The following CACNB2 variants were observed in gnomAD, a reference collection of about 807,000 sequenced individuals.
The protein encoded by CACNB2 is voltage-dependent L-type calcium channel subunit beta-2.
Under a neutral mutation model 73.3 loss-of-function variants are expected in CACNB2, and 42 were observed. The observed-to-expected ratio is 0.57, with a 90% CI of 0.45 to 0.74. The LOEUF is 0.74. CACNB2 is among the 30% of genes least tolerant of loss of function. CACNB2 has a pLI of 0.00. For synonymous variants in CACNB2, 348 were observed against 310.3 expected (o/e 1.12, Z -1.28); for missense variants, 940 against 853.0 (o/e 1.10, Z -1.27).
chr10:18,520,378 G>C (rs1011974874), intron 9 of CACNB2, among the ~76,000 whole-genome samples: 3 of 152,058 alleles, frequency 2.0e-5, no homozygotes, highest in Admixed American at 6.5e-5. Flanking sequence ...AATATATTCA[G>C]AATCGAAGCC....
chr10:18,233,095 A>C (rs1274869672), intron 2 of CACNB2, among the ~76,000 whole-genome samples: 1 of 152,178 alleles, frequency 6.6e-6, no homozygotes, highest in Non-Finnish European at 1.5e-5. Flanking sequence ...AAATAAATAA[A>C]TAGTTTAGAG....
Position 18,539,548 on chromosome 10 carries a change from A to G in CACNB2, c.1807A>G (p.Arg603Gly). ...CCACGGGAGCAGTGACCACAGACACAGGGAGTCCCGGCACCGTTCCCGGGA... is the reference window on the plus strand; with the variant it reads ...CCACGGGAGCAGTGACCACAGACACGGGGAGTCCCGGCACCGTTCCCGGGA... ...ETHGSSDHRH[R>G]ESRHRSRDVD... The change falls in exon 14 of 14, where the codon AGG becomes GGG. Residue 603 changes from arginine to glycine, a missense_variant. Transcript: ENST00000324631. 6.2e-7 allele frequency: 1 copy of G among 1,613,876 alleles called. No individual in the cohort carries two copies. The highest frequency in any genetic ancestry group is 8.5e-7 in the Non-Finnish European group (1 of 1,179,966).
intron 2 of CACNB2, among the ~76,000 whole-genome samples, chr10:18,169,191 A>G (rs2033066487): frequency 8.7e-6 from 1 of 114,338 alleles, no homozygotes; most frequent in Non-Finnish European, 1.8e-5. Flanking sequence ...TTTGGCATAT[A>G]TATTTTTAAA....
At chr10:18,472,206 C>A (rs1458066796) in intron 3 of CACNB2, among the ~76,000 whole-genome samples, 2 of 146,712 alleles carry the variant, frequency 1.4e-5, no homozygotes, top group African/African-American at 2.5e-5. Context: ...CTTTAATATC[C>A]GGCCCACTTT....
At chr10:18,182,821 CAAAAA>C (rs66540356) in intron 2 of CACNB2, among the ~76,000 whole-genome samples, 1 of 117,622 alleles carries the variant, frequency 8.5e-6, no homozygotes. Flanking sequence ...GACTCTGTCT[CAAAAA>C]AAAAAAAAAC....
intron 2 of CACNB2, among the ~76,000 whole-genome samples, chr10:18,362,577 C>G (rs2042185248): frequency 6.6e-6 from 1 of 152,088 alleles, no homozygotes; most frequent in African/African-American, 2.4e-5. Context: ...AAATGATAAC[C>G]TGCGAAGTGG....
chr10:18,368,464 G>A (rs537563913), intron 2 of CACNB2, among the ~76,000 whole-genome samples: 2 of 152,104 alleles, frequency 1.3e-5, no homozygotes, highest in Non-Finnish European at 2.9e-5. Context: ...TTTAGGCCTT[G>A]CTCTCTATTT....
Position 18,150,905 on chromosome 10 carries a change from G to A in CACNB2, c.143G>A (p.Arg48Lys), listed in dbSNP as rs191098369. The change falls in exon 2 of 14, where the codon AGG becomes AAG. Residue 48 changes from arginine (R) to lysine (K), a missense_variant. Coordinates refer to ENST00000324631, the MANE Select transcript of CACNB2 (RefSeq NM_201596.3). ...AAQSYGKGAR[R>K]KNRFKGSDGS... ...TAGTCATATGGAAAAGGAGCCAGAA[G>A]GAAAAACAGATTTAAAGGATCTGAT... 1,850 of 1,224,686 alleles carry A rather than the reference G, an allele frequency of 1.5e-3. 25 individuals are homozygous for A. The highest frequency in any genetic ancestry group is 1.9e-4 in the Non-Finnish European group (167 of 880,908). The allele number at this position is 1,224,686 out of a possible 1,614,324, so 75.9% of individuals were successfully genotyped here.
chr10:18,150,438 C>T (rs1020881043), intron 1 of CACNB2, among the ~76,000 whole-genome samples: 18 of 152,250 alleles, frequency 1.2e-4, no homozygotes, highest in African/African-American at 3.4e-4. Flanking sequence ...CCAAGGCGGG[C>T]GGATCACCTG....
intron 11 of CACNB2, among the ~76,000 whole-genome samples, chr10:18,535,789 A>ATATT (rs138556771): frequency 0.048 from 7,271 of 151,922 alleles, 268 homozygotes; most frequent in Non-Finnish European, 0.077. Context: ...ATATATATAT[A>ATATT]TATTTTAACA....
chr10:18,538,981 CT>C lies in CACNB2; in HGVS notation c.1489-237del, dbSNP rs11419902. Among the ~76,000 whole-genome samples the C allele has an allele frequency of 3.6e-3, 524 of 146,114 alleles. 2 individuals carry two copies. Among genetic ancestry groups the C allele is most frequent in the Middle Eastern group, 0.011 (3 of 284 alleles). ...TAAAAGAACATTTTCCCTGCTGCTG[CT>C]TTTTTTTTTTTAAAGGAAAAAGTTA... On this transcript the variant is annotated intron_variant, in intron 13 of 13. Coordinates refer to ENST00000324631, the MANE Select transcript of CACNB2 (RefSeq NM_201596.3).
intron 2 of CACNB2, among the ~76,000 whole-genome samples, chr10:18,315,069 T>G (rs751392692): frequency 6.6e-6 from 1 of 152,156 alleles, no homozygotes; most frequent in Non-Finnish European, 1.5e-5. Flanking sequence ...CCATGGCTCA[T>G]GCCTGTAATC....
At chr10:18,365,080 T>G (rs543784912) in intron 2 of CACNB2, among the ~76,000 whole-genome samples, 1 of 152,190 alleles carries the variant, frequency 6.6e-6, no homozygotes, top group Non-Finnish European at 1.5e-5. Context: ...TCTAGAGAAG[T>G]TAAGGCACTT....
At chr10:18,158,893 A>C (rs1048613502) in intron 2 of CACNB2, among the ~76,000 whole-genome samples, 2 of 152,154 alleles carry the variant, frequency 1.3e-5, no homozygotes, top group Admixed American at 6.6e-5. Flanking sequence ...AAGGTCAGGG[A>C]AAAATATGTA....
chr10:18,301,890 T>G (rs894597047), intron 2 of CACNB2, among the ~76,000 whole-genome samples: 3 of 151,880 alleles, frequency 2.0e-5, no homozygotes, highest in Non-Finnish European at 4.4e-5. Flanking sequence ...CTCGTGATCC[T>G]CCCACCTTGG....
At chr10:18,328,931 T>G (rs1300819480) in intron 2 of CACNB2, among the ~76,000 whole-genome samples, 1 of 152,196 alleles carries the variant, frequency 6.6e-6, no homozygotes, top group Non-Finnish European at 1.5e-5. Flanking sequence ...GTTTTTCATT[T>G]GATACTCAGA....
intron 2 of CACNB2, among the ~76,000 whole-genome samples, chr10:18,154,981 T>C (rs1486999633): frequency 1.3e-5 from 2 of 152,222 alleles, no homozygotes; most frequent in Admixed American, 1.3e-4. Context: ...TAATCTGTTA[T>C]GGCAGCTCAA....
At chr10:18,289,348 G>A (rs537085144) in intron 2 of CACNB2, among the ~76,000 whole-genome samples, 2 of 140,610 alleles carry the variant, frequency 1.4e-5, no homozygotes, top group African/African-American at 5.4e-5. Flanking sequence ...AGGCTGGAGT[G>A]CAGTGGCGTG....
intron 2 of CACNB2, among the ~76,000 whole-genome samples, chr10:18,244,532 C>T (rs1004962093): frequency 6.6e-6 from 1 of 152,186 alleles, no homozygotes; most frequent in African/African-American, 2.4e-5. Context: ...GTTAAGTACA[C>T]CTAGCAATTT....
Sources: gnomAD v4.1 joint callset for allele counts (sites outside exome capture counted in the v4.1 genomes callset) on GRCh38, gnomAD v4.1.1 for gene constraint, MANE v1.5 for transcripts, NCBI Gene and HGNC (gene_info 2026-07-23, HGNC 2026-07-21) for gene names.